ST6GALNAC6: variants seen among roughly 807,000 people sequenced by gnomAD.
ST6GALNAC6 encodes alpha-N-acetylgalactosaminide alpha-2,6-sialyltransferase 6.
A neutral mutation model predicts 34.3 loss-of-function variants in ST6GALNAC6; 19 were observed. The observed-to-expected ratio is 0.55, with a 90% CI of 0.39 to 0.81. The LOEUF (loss-of-function observed/expected upper bound fraction) is 0.81, where lower values mean the gene tolerates loss of function less well. Ranked by LOEUF, ST6GALNAC6 falls within the 40% of genes least tolerant of loss-of-function variation. The pLI, the probability that ST6GALNAC6 is intolerant of heterozygous loss-of-function variation, is 0.00. For missense variants in ST6GALNAC6, 377 were observed against 467.7 expected (o/e 0.81, Z 1.79); for synonymous variants, 185 against 182.1 (o/e 1.02, Z -0.13).
chr9:127,899,975 C>G (rs780076176), upstream of ST6GALNAC6, among the ~76,000 whole-genome samples: 15 of 152,226 alleles, frequency 9.9e-5, no homozygotes, highest in Non-Finnish European at 1.6e-4. Flanking sequence ...TGCCTTGCAC[C>G]CTGTAGTCAC....
At chr9:127,891,310 A>G (rs962222736) in intron 4 of ST6GALNAC6, among the ~76,000 whole-genome samples, 1 of 149,098 alleles carries the variant, frequency 6.7e-6, no homozygotes, top group Non-Finnish European at 1.5e-5. Context: ...CATGCCAGGA[A>G]AAAAAAAGAA....
intron 4 of ST6GALNAC6, among the ~76,000 whole-genome samples, chr9:127,891,884 G>A (rs1830166000): frequency 6.6e-6 from 1 of 151,926 alleles, no homozygotes; most frequent in Non-Finnish European, 1.5e-5. Flanking sequence ...AGGTGCGATG[G>A]CTCACGCCTG....
chr9:127,896,159 G>A (rs1830438826), intron 3 of ST6GALNAC6, 83 bp downstream of exon 3: 4 of 1,464,334 alleles, frequency 2.7e-6, no homozygotes, highest in African/African-American at 1.4e-5. Flanking sequence ...GTGGTGGCTG[G>A]GGTCTGAGAC....
At chr9:127,888,151 T>G (rs1052833135) in intron 5 of ST6GALNAC6, among the ~76,000 whole-genome samples, 2 of 152,190 alleles carry the variant, frequency 1.3e-5, no homozygotes, top group African/African-American at 4.8e-5. Flanking sequence ...GGTTCATACC[T>G]GTAATCCCAG....
chr9:127,900,227 G>A (rs1275936289), upstream of ST6GALNAC6, among the ~76,000 whole-genome samples: 1 of 152,194 alleles, frequency 6.6e-6, no homozygotes, highest in African/African-American at 2.4e-5. Context: ...TTAAGTTAAG[G>A]CACAGCCTGC....
At chr9:127,892,520 G>A (rs1263296889) in intron 4 of ST6GALNAC6, among the ~76,000 whole-genome samples, 1 of 152,138 alleles carries the variant, frequency 6.6e-6, no homozygotes, top group Non-Finnish European at 1.5e-5. Context: ...CCTGCATATA[G>A]TCAGTTCGAT....
chr9:127,889,833 A>T (rs1472411871), intron 5 of ST6GALNAC6, among the ~76,000 whole-genome samples: 1 of 152,198 alleles, frequency 6.6e-6, no homozygotes, highest in Non-Finnish European at 1.5e-5. Context: ...TAGCTCCAAA[A>T]TTTTTTAAAT....
intron 1 of ST6GALNAC6, among the ~76,000 whole-genome samples, chr9:127,898,445 AAAAG>A (rs1830603582): frequency 6.6e-6 from 1 of 151,394 alleles, no homozygotes; most frequent in Non-Finnish European, 1.5e-5. Context: ...AGAAAGAAAG[AAAAG>A]AAAGTGCTCC....
chr9:127,899,380 G>T, intron 1 of ST6GALNAC6, 123 bp downstream of exon 1: 1 of 547,104 alleles, frequency 1.8e-6, no homozygotes, highest in Non-Finnish European at 2.3e-6. Context: ...TAGGGGTGCC[G>T]CCGGGGGACC....
chr9:127,897,480 C>T, intron 2 of ST6GALNAC6: 1 of 971,616 alleles, frequency 1.0e-6, no homozygotes, highest in Non-Finnish European at 1.2e-6. Context: ...GGCCCCGCCC[C>T]CTCTCCAACC....
upstream of ST6GALNAC6, among the ~76,000 whole-genome samples, chr9:127,900,560 C>CAAAAAAAAAA (rs71380101): frequency 2.9e-4 from 13 of 44,182 alleles, 1 homozygote; most frequent in African/African-American, 1.2e-3. Context: ...AACTCCGTCT[C>CAAAAAAAAAA]AAAAAAAAAA....
chr9:127,889,583 A>G (rs926513327), intron 5 of ST6GALNAC6, among the ~76,000 whole-genome samples: 2 of 151,728 alleles, frequency 1.3e-5, no homozygotes, highest in Non-Finnish European at 2.9e-5. Context: ...AGCCGGGATT[A>G]TAGGTGCGCA....
At chr9:127,899,999 G>C (rs1830693918), upstream of ST6GALNAC6, among the ~76,000 whole-genome samples, 1 of 152,192 alleles carries the variant, frequency 6.6e-6, no homozygotes, top group African/African-American at 2.4e-5. Flanking sequence ...GGCAAACTTA[G>C]GGTTCACCCT....
chr9:127,892,963 G>A (rs1162988428), intron 4 of ST6GALNAC6, among the ~76,000 whole-genome samples: 1 of 152,164 alleles, frequency 6.6e-6, no homozygotes, highest in Non-Finnish European at 1.5e-5. Flanking sequence ...AGGCAGATTT[G>A]AGAACTATCC....
At chr9:127,902,817 A>C (rs1456052544), upstream of ST6GALNAC6, among the ~76,000 whole-genome samples, 1 of 51,118 alleles carries the variant, frequency 2.0e-5, no homozygotes. Context: ...CAAACTCCTG[A>C]CCTCAAATGA....
At chr9:127,897,082 G>C in intron 2 of ST6GALNAC6, 1 of 868,028 alleles carries the variant, frequency 1.2e-6, no homozygotes, top group African/African-American at 1.8e-5. Flanking sequence ...ACAGTCTCAG[G>C]GGGTGGCTGG....
At chr9:127,888,504 C>CAAA (rs143037868) in intron 5 of ST6GALNAC6, among the ~76,000 whole-genome samples, 2 of 59,560 alleles carry the variant, frequency 3.4e-5, no homozygotes, top group South Asian at 5.9e-4. Context: ...ACTCCTTCTC[C>CAAA]AAAAAAAAAA....
rs570364782 is a variant in ST6GALNAC6, at chr9:127,896,113, A to C, written c.117+129T>G. The C allele has an allele frequency of 2.7e-6, 3 of 1,097,552 alleles. No homozygotes were observed. In the Admixed American group the frequency reaches 5.9e-5, roughly 22 times the overall value. 68.0% of individuals were successfully genotyped at this position (1,097,552 alleles called of 1,614,324 possible). A position where few individuals can be genotyped will look rare whatever the true frequency, so the allele number is the denominator to read the frequency against. ...ACCAGGGCTTAAATCTGGGCCTCCC[A>C]GGCATGGGCAGCTTCTTGCGGGGAA... On this transcript the variant is annotated intron_variant, in intron 3 of 6. Transcript: ENST00000373146.
Position 127,893,916 on chromosome 9 carries a change from C to T in ST6GALNAC6, c.297+596G>A, listed in dbSNP as rs561162376. On this transcript the variant is annotated intron_variant, in intron 4 of 6. Coordinates refer to ENST00000373146, the MANE Select transcript of ST6GALNAC6 (RefSeq NM_013443.5). Reference sequence around the variant, plus strand: ...CAGAAATACAATCTGAATTTCATGGCTACCCAAGGCCAACAGAAGTCCCCA... The same window carrying T: ...CAGAAATACAATCTGAATTTCATGGTTACCCAAGGCCAACAGAAGTCCCCA... 9.2e-5 allele frequency among the ~76,000 whole-genome samples: 14 copies of T among 152,346 alleles called. 1 individual carries two copies. The South Asian group carries it at 2.7e-3, about 29-fold the overall frequency.
Sources: gnomAD v4.1 joint callset for allele counts (sites outside exome capture counted in the v4.1 genomes callset) on GRCh38, gnomAD v4.1.1 for gene constraint, MANE v1.5 for transcripts, NCBI Gene and HGNC (gene_info 2026-07-23, HGNC 2026-07-21) for gene names.